The following HCST variants were observed in gnomAD, a reference collection of about 807,000 sequenced individuals.
HCST encodes the protein DNAX-activation protein 10.
A neutral mutation model predicts 10.8 loss-of-function variants in HCST; 12 were observed. The ratio of observed to expected loss-of-function variants is 1.12; its 90% CI spans 0.72 to 1.81. The LOEUF is 1.81. Among genes scored for constraint, HCST ranks in the 40% most tolerant of loss-of-function variants. The pLI, the probability that HCST is intolerant of heterozygous loss-of-function variation, is 0.00. For synonymous variants in HCST, 59 were observed against 51.6 expected, an observed-to-expected ratio of 1.14 and a Z score of -0.61; for missense variants, 102 against 117.9, an observed-to-expected ratio of 0.87 and a Z score of 0.62.
chr19:35,904,254 T>G lies in HCST; in HGVS notation c.*94T>G. The G allele has an allele frequency of 7.6e-7, 1 of 1,317,606 alleles. No individual in the cohort carries two copies. The highest frequency in any genetic ancestry group is 1.1e-6 in the Non-Finnish European group (1 of 917,484). 81.6% of individuals were successfully genotyped at this position (1,317,606 alleles called of 1,614,324 possible). On this transcript the variant is annotated 3_prime_UTR_variant, in exon 4 of 4. Transcript: ENST00000246551. ...CCCCGCCCCAACTTTTGGATTGTAA[T>G]AAAACAATTGAAACACCTGTAGTCG...
At chr19:35,904,044 C>A (rs1011622197) in intron 3 of HCST, 76 bp from the exon 4 acceptor site, 5 of 1,600,098 alleles carry the variant, frequency 3.1e-6, no homozygotes, top group Non-Finnish European at 4.3e-6. Flanking sequence ...CCTGAGGAAA[C>A]CCCTGAAGCA....
In HCST at chr19:35,902,661, G is replaced by A. The variant is rs542445040; in HGVS notation, c.43+25G>A. ...GGTGAAGCCAGTGGTTACAGGGGAT[G>A]GTAGGCAGAGCGTTTGTGAGATGGG... On this transcript the variant is annotated intron_variant, in intron 1 of 3. Transcript: ENST00000246551. 8.1e-5 allele frequency: 130 copies of A among 1,613,180 alleles called. 1 individual carries two copies. The South Asian group carries it at 1.3e-3, about 16-fold the overall frequency.
chr19:35,902,548 C>G lies in HCST; in HGVS notation c.-46C>G. On this transcript the variant is annotated 5_prime_UTR_variant, in exon 1 of 4. Coordinates refer to ENST00000246551, the MANE Select transcript of HCST (RefSeq NM_014266.4). The stretch of plus-strand genomic sequence containing the variant: ...TCCCCCACAGTTCCTCTGGACTTCT[C>G]TGGACCACAGTCCTCTGCCAGACCC... The G allele has an allele frequency of 6.3e-7, 1 of 1,597,966 alleles. No individual in the cohort carries two copies. Among genetic ancestry groups the G allele is most frequent in the Non-Finnish European group, 8.6e-7 (1 of 1,166,398 alleles).
At chr19:35,903,585 C>A in intron 2 of HCST, 169 bp downstream of exon 2, 1 of 1,036,758 alleles carries the variant, frequency 9.6e-7, no homozygotes, top group Non-Finnish European at 1.4e-6. Flanking sequence ...GTGCCCGCCG[C>A]ACAGCCCCGA....
intron 1 of HCST, 70 bp downstream of exon 1, chr19:35,902,706 G>T: frequency 4.0e-6 from 6 of 1,492,028 alleles, no homozygotes; most frequent in Non-Finnish European, 5.6e-6. Context: ...GACGTCTGCA[G>T]GGACGGGTGA....
rs374081706 is a variant in HCST at position 35,903,728 on chromosome 19, C to T, written c.110-44C>T. The T allele has an allele frequency of 5.8e-5, 93 of 1,613,740 alleles. 1 individual carries two copies. The highest frequency in any genetic ancestry group is 5.3e-5 in the African/African-American group (4 of 74,942). On this transcript the variant is annotated intron_variant, in intron 2 of 3. Transcript: ENST00000246551. ...CTGTGGCCAAAGCACAGCCCCAGGA[C>T]GCAGAGCTTGAGTTGTCTCCCTGTT...
rs776201851 is a variant in HCST, at chr19:35,903,897, G to C, written c.235G>C (p.Ala79Pro). 1 of 1,610,788 alleles carries C rather than the reference G, an allele frequency of 6.2e-7. No individual in the cohort carries two copies. The highest frequency in any genetic ancestry group is 8.5e-7 in the Non-Finnish European group (1 of 1,179,078). Residue 79 changes from alanine (A) to proline (P), a missense_variant, in exon 3 of 4, where the codon GCC becomes CCC. Physicochemically the swap from Ala to Pro is conservative, Grantham distance 27 (BLOSUM62 -1). Coordinates refer to ENST00000246551, the MANE Select transcript of HCST (RefSeq NM_014266.4). ...FLCARPRRSP[A>P]QEDGKVYINM... ...GTGCGCACGCCCACGCCGCAGCCCC[G>C]CCCAAGGTGAGGGCGGAGATGGGCG...
chr19:35,903,695 C>A (rs1325946002), intron 2 of HCST, 77 bp from the exon 3 acceptor site: 2 of 1,607,328 alleles, frequency 1.2e-6, no homozygotes, highest in African/African-American at 1.3e-5. Context: ...AGGGGACTTC[C>A]TCTCTGCCTG....
intron 1 of HCST, 191 bp from the exon 2 acceptor site, chr19:35,903,160 T>G (rs1024401641): frequency 1.1e-5 from 6 of 535,826 alleles, no homozygotes; most frequent in Non-Finnish European, 2.0e-5. Flanking sequence ...CCAGCTAATT[T>G]TTGTATTTCT....
chr19:35,904,030 A>T (rs967682804), intron 3 of HCST, 90 bp from the exon 4 acceptor site: 14 of 1,592,592 alleles, frequency 8.8e-6, no homozygotes, highest in Non-Finnish European at 1.1e-5. Context: ...TGCCTGGGGG[A>T]ACCCCTGAGG....
chr19:35,903,488 C>A, intron 2 of HCST, 72 bp downstream of exon 2: 1 of 1,307,298 alleles, frequency 7.6e-7, no homozygotes, highest in Non-Finnish European at 1.1e-6. Context: ...GTCACCATCC[C>A]ACCTCCCGTC....
chr19:35,903,409 C>A lies in HCST; in HGVS notation c.102C>A (p.Gly34=). ...ERSSLPAFYP[G]TSGSCSGCGS... is the part of the protein sequence containing the mutation. The stretch of plus-strand genomic sequence containing the variant: ...CATCACTCCCTGCCTTTTACCCTGG[C>A]ACTTCAGGTATCACTTCCACCCCAG... Residue 34 remains glycine (G), a synonymous_variant, in exon 2 of 4, where the codon GGC becomes GGA. Transcript: ENST00000246551. 1 of 1,613,688 alleles carries A rather than the reference C, an allele frequency of 6.2e-7. No individual in the cohort carries two copies.
intron 1 of HCST, chr19:35,903,038 T>G: frequency 2.2e-6 from 1 of 445,968 alleles, no homozygotes; most frequent in Non-Finnish European, 4.1e-6. Context: ...TTGTCCAGGC[T>G]GGAGTGCAGT....
At chr19:35,903,584 G>C in intron 2 of HCST, 168 bp downstream of exon 2, 1 of 1,027,334 alleles carries the variant, frequency 9.7e-7, no homozygotes, top group Non-Finnish European at 1.5e-6. Context: ...TGTGCCCGCC[G>C]CACAGCCCCG....
At position 35,903,364 on chromosome 19, in the gene HCST, G is replaced by C. The variant is rs1020020068; in HGVS notation, c.57G>C (p.Gln19His). 6.2e-7 allele frequency: 1 copy of C among 1,613,732 alleles called. No individual in the cohort carries two copies. The highest frequency in any genetic ancestry group is 1.3e-5 in the African/African-American group (1 of 74,970). Reference sequence around the variant, plus strand: ...CTCTTTCCACAGTGGCTGCAGCTCAGACGACTCCAGGAGAGAGATCATCAC... The same window carrying C: ...CTCTTTCCACAGTGGCTGCAGCTCACACGACTCCAGGAGAGAGATCATCAC... ...FLLLLPVAAA[Q>H]TTPGERSSLP... Residue 19 changes from glutamine (Q) to histidine (H), a missense_variant, in exon 2 of 4, where the codon CAG becomes CAC. Coordinates refer to ENST00000246551, the MANE Select transcript of HCST (RefSeq NM_014266.4).
At position 35,904,101 on chromosome 19, in the gene HCST, T is replaced by G; in HGVS notation, c.242-19T>G. ...GATATGGGTGGTCAAGCTTCATGCT[T>G]TCTCTCCCCTATCCCCAGAAGATGG... On this transcript the variant is annotated intron_variant, in intron 3 of 3. Coordinates refer to ENST00000246551, the MANE Select transcript of HCST (RefSeq NM_014266.4). 1 of 1,613,156 alleles carries G rather than the reference T, an allele frequency of 6.2e-7. No individual in the cohort carries two copies. The highest frequency in any genetic ancestry group is 8.5e-7 in the Non-Finnish European group (1 of 1,179,554).
At chr19:35,903,223 T>G in intron 1 of HCST, 128 bp from the exon 2 acceptor site, 1 of 753,118 alleles carries the variant, frequency 1.3e-6, no homozygotes, top group Non-Finnish European at 2.3e-6. Context: ...ACTCCTGGGC[T>G]CAAGCGATCT....
At chr19:35,903,940 A>G in intron 3 of HCST, 37 bp downstream of exon 3, 1 of 1,594,964 alleles carries the variant, frequency 6.3e-7, no homozygotes. Flanking sequence ...GAAGGTGTAT[A>G]GTGTCCCTAG....
Position 35,903,385 on chromosome 19 carries a change from A to G in HCST, c.78A>G (p.Ser26=), listed in dbSNP as rs1283875947. The G allele has an allele frequency of 3.7e-6, 6 of 1,613,752 alleles. No homozygotes were observed. Among genetic ancestry groups the G allele is most frequent in the Non-Finnish European group, 4.2e-6 (5 of 1,179,914 alleles). The change falls in exon 2 of 4, where the codon TCA becomes TCG. Residue 26 remains serine (S), a synonymous_variant. Coordinates refer to ENST00000246551, the MANE Select transcript of HCST (RefSeq NM_014266.4). ...AAAQTTPGER[S]SLPAFYPGTS... ...CTCAGACGACTCCAGGAGAGAGATC[A>G]TCACTCCCTGCCTTTTACCCTGGCA...
Sources: gnomAD v4.1 joint callset for allele counts on GRCh38, gnomAD v4.1.1 for gene constraint, MANE v1.5 for transcripts, NCBI Gene and HGNC (gene_info 2026-07-23, HGNC 2026-07-21) for gene names.